Variants in FZD3 observed in about 807,000 individuals in gnomAD.
The protein encoded by FZD3 is frizzled-3.
A neutral mutation model predicts 60.7 loss-of-function variants in FZD3; 30 were observed. The observed-to-expected ratio is 0.49, with a 90% CI of 0.37 to 0.67. The LOEUF (loss-of-function observed/expected upper bound fraction) is 0.67, where lower values mean the gene tolerates loss of function less well. FZD3 is among the 30% of genes least tolerant of loss of function. FZD3 has a pLI of 0.00. For missense variants in FZD3, 605 were observed against 838.7 expected (o/e 0.72, Z 3.44); for synonymous variants, 246 against 275.2 (o/e 0.89, Z 1.05).
At chr8:28,542,286 C>G (rs1354905076) in intron 5 of FZD3, among the ~76,000 whole-genome samples, 2 of 152,028 alleles carry the variant, frequency 1.3e-5, no homozygotes, top group African/African-American at 4.8e-5. Flanking sequence ...TTTCTTCTGC[C>G]TAAATCCCTA....
chr8:28,515,730 T>G (rs1222613152), intron 3 of FZD3, among the ~76,000 whole-genome samples: 1 of 152,224 alleles, frequency 6.6e-6, no homozygotes, highest in Non-Finnish European at 1.5e-5. Context: ...ATCAGGAAGC[T>G]GCTGATCACC....
intron 7 of FZD3, among the ~76,000 whole-genome samples, chr8:28,557,845 C>G (rs1442223415): frequency 1.3e-5 from 2 of 152,248 alleles, no homozygotes; most frequent in East Asian, 3.9e-4. Flanking sequence ...AGATGGAAGA[C>G]AGAAGAGTAA....
At chr8:28,522,584 C>G (rs1804611309) in intron 4 of FZD3, among the ~76,000 whole-genome samples, 1 of 152,012 alleles carries the variant, frequency 6.6e-6, no homozygotes, top group South Asian at 2.1e-4. Context: ...CTGTTTTATG[C>G]TTCTTGTATT....
Position 28,572,053 on chromosome 8 carries a change from CTTTT to C in FZD3, c.*9045_*9048del, listed in dbSNP as rs1289579558. ...ATTTAATGTGAGGTGTTTTTTGAGG[CTTTT>C]TTGTTTTATCTTGTTTTCTTAACTT... On this transcript the variant is annotated 3_prime_UTR_variant, in exon 8 of 8. Coordinates refer to ENST00000240093, the MANE Select transcript of FZD3 (RefSeq NM_017412.4). The C allele has an allele frequency of 6.6e-6, 1 of 151,870 alleles. No individual in the cohort carries two copies. Among genetic ancestry groups the C allele is most frequent in the Non-Finnish European group, 1.5e-5 (1 of 67,970 alleles). The allele number at this position is 151,870 out of a possible 1,614,324, so 9.4% of individuals were successfully genotyped here.
chr8:28,525,665 C>T (rs943768046), intron 4 of FZD3, among the ~76,000 whole-genome samples: 2 of 152,136 alleles, frequency 1.3e-5, no homozygotes, highest in African/African-American at 2.4e-5. Flanking sequence ...TTGGATTTGA[C>T]TCTGAGATGA....
intron 3 of FZD3, among the ~76,000 whole-genome samples, chr8:28,507,270 T>C (rs953165973): frequency 2.6e-5 from 4 of 152,198 alleles, no homozygotes; most frequent in African/African-American, 9.6e-5. Context: ...TTTCTTGTGA[T>C]ATATTTATCT....
chr8:28,496,934 AT>A (rs113906048), intron 1 of FZD3, among the ~76,000 whole-genome samples: 4,029 of 152,228 alleles, frequency 0.026, 215 homozygotes, highest in African/African-American at 0.091. Context: ...GTATTAGAGA[AT>A]TTTTTTGATA....
chr8:28,501,994 C>G (rs1267255764), intron 2 of FZD3, among the ~76,000 whole-genome samples: 1 of 152,068 alleles, frequency 6.6e-6, no homozygotes, highest in Non-Finnish European at 1.5e-5. Flanking sequence ...TAAACTAATT[C>G]AATGATTAAA....
intron 5 of FZD3, among the ~76,000 whole-genome samples, chr8:28,540,121 C>A (rs1161328230): frequency 6.6e-6 from 1 of 152,160 alleles, no homozygotes; most frequent in Non-Finnish European, 1.5e-5. Flanking sequence ...GCTAGCCAGG[C>A]TGTTGTAGAA....
intron 5 of FZD3, among the ~76,000 whole-genome samples, chr8:28,534,187 C>G (rs934457621): frequency 1.3e-5 from 2 of 152,094 alleles, no homozygotes; most frequent in Admixed American, 6.6e-5. Context: ...ACTAGAAGAC[C>G]AGCGACCTGT....
intron 3 of FZD3, among the ~76,000 whole-genome samples, chr8:28,511,441 C>A (rs954404723): frequency 6.6e-6 from 1 of 152,154 alleles, no homozygotes; most frequent in African/African-American, 2.4e-5. Flanking sequence ...GCCGTGATTG[C>A]GCCTCTGTAC....
In FZD3 at chr8:28,528,048, G is replaced by A. The variant is rs761281939; in HGVS notation, c.1288G>A (p.Val430Ile). The change falls in exon 5 of 8, where the codon GTA becomes ATA. Residue 430 changes from valine to isoleucine, a missense_variant. Coordinates refer to ENST00000240093, the MANE Select transcript of FZD3 (RefSeq NM_017412.4). ...RIGVFSILYL[V>I]PLLVVIGCYF... is the part of the protein sequence containing the mutation. ...CGGTGTTTTCAGCATTCTTTATCTC[G>A]TACCACTCTTGGTTGTAATTGGATG... is the stretch of plus-strand genomic sequence containing the variant. The A allele has an allele frequency of 1.4e-5, 22 of 1,613,684 alleles. No homozygotes were observed. Among genetic ancestry groups the A allele is most frequent in the Admixed American group, 6.7e-5 (4 of 59,964 alleles).
At chr8:28,559,459 T>C (rs1443613894) in intron 7 of FZD3, among the ~76,000 whole-genome samples, 1 of 152,210 alleles carries the variant, frequency 6.6e-6, no homozygotes, top group South Asian at 2.1e-4. Flanking sequence ...ACCGTATTCC[T>C]CCACAGTATC....
chr8:28,525,246 C>G (rs894645214), intron 4 of FZD3, among the ~76,000 whole-genome samples: 4 of 152,184 alleles, frequency 2.6e-5, no homozygotes, highest in Non-Finnish European at 4.4e-5. Context: ...AACAGAGATC[C>G]TGTTCTTATG....
intron 7 of FZD3, among the ~76,000 whole-genome samples, chr8:28,557,461 G>A (rs766370776): frequency 2.0e-5 from 3 of 151,972 alleles, no homozygotes; most frequent in African/African-American, 4.8e-5. Flanking sequence ...TGTAGAATCC[G>A]ATTCTCTGTA....
chr8:28,569,399 A>G lies in FZD3; in HGVS notation c.*6388A>G, dbSNP rs1805764313. 1.3e-5 allele frequency: 2 copies of G among 151,694 alleles called. No homozygotes were observed. Among genetic ancestry groups the G allele is most frequent in the South Asian group, 2.1e-4 (1 of 4,796 alleles). The allele number at this position is 151,694 out of a possible 1,614,324, so 9.4% of individuals were successfully genotyped here. A position where few individuals can be genotyped will look rare whatever the true frequency, so the allele number is the denominator to read the frequency against. On this transcript the variant is annotated 3_prime_UTR_variant, in exon 8 of 8. Transcript: ENST00000240093. ...TTAGCTGTGTAACTTTGGATAAGGCATTTTATCTCGTGGTGCCTCCATTTT... is the reference window on the plus strand; with the variant it reads ...TTAGCTGTGTAACTTTGGATAAGGCGTTTTATCTCGTGGTGCCTCCATTTT...
intron 5 of FZD3, among the ~76,000 whole-genome samples, chr8:28,546,969 CAA>C (rs1242110166): frequency 1.3e-4 from 10 of 76,674 alleles, no homozygotes; most frequent in Admixed American, 1.5e-4. Flanking sequence ...GACTCCGTCT[CAA>C]AAAAAAAAAA....
At chr8:28,499,051 A>G (rs185180862) in intron 1 of FZD3, among the ~76,000 whole-genome samples, 73 of 152,342 alleles carry the variant, frequency 4.8e-4, no homozygotes, top group African/African-American at 1.7e-3. Flanking sequence ...TTAGTAGTCA[A>G]TAAACCAGTC....
At chr8:28,559,878 C>T (rs1469937925) in intron 7 of FZD3, among the ~76,000 whole-genome samples, 1 of 152,158 alleles carries the variant, frequency 6.6e-6, no homozygotes, top group Non-Finnish European at 1.5e-5. Flanking sequence ...CACTCTGGCC[C>T]AGATTCTTTG....
Sources: gnomAD v4.1 joint callset for allele counts (sites outside exome capture counted in the v4.1 genomes callset) on GRCh38, gnomAD v4.1.1 for gene constraint, MANE v1.5 for transcripts, NCBI Gene and HGNC (gene_info 2026-07-23, HGNC 2026-07-21) for gene names.